The following CUX2 variants were observed in gnomAD, a reference collection of about 807,000 sequenced individuals.
CUX2 encodes the protein homeobox protein cut-like 2.
A neutral mutation model predicts 144.8 loss-of-function variants in CUX2; 40 were observed. The ratio of observed to expected loss-of-function variants is 0.28; its 90% CI spans 0.21 to 0.36. CUX2 has a LOEUF of 0.36. Ranked by LOEUF, CUX2 falls within the 10% of genes least tolerant of loss-of-function variation. The pLI is 1.00. For missense variants in CUX2, 1,615 were observed against 1,994.0 expected, an observed-to-expected ratio of 0.81 and a Z score of 3.62; for synonymous variants, 827 against 875.6, an observed-to-expected ratio of 0.94 and a Z score of 0.98.
At chr12:111,231,514 C>T (rs746658540) in intron 3 of CUX2, among the ~76,000 whole-genome samples, 4 of 152,212 alleles carry the variant, frequency 2.6e-5, no homozygotes, top group Non-Finnish European at 5.9e-5. Context: ...CTACCACAGA[C>T]AATCCTTGTA....
chr12:111,076,962 C>G (rs1871568284), intron 1 of CUX2, among the ~76,000 whole-genome samples: 1 of 152,174 alleles, frequency 6.6e-6, no homozygotes, highest in African/African-American at 2.4e-5. Context: ...ACCCGTCGCC[C>G]CTCGGGGCCC....
At chr12:111,043,053 T>C (rs1869824826) in intron 1 of CUX2, among the ~76,000 whole-genome samples, 1 of 152,196 alleles carries the variant, frequency 6.6e-6, no homozygotes, top group Non-Finnish European at 1.5e-5. Context: ...ACTCCAGAAC[T>C]GTACATTCAC....
intron 1 of CUX2, among the ~76,000 whole-genome samples, chr12:111,134,095 G>A (rs532613815): frequency 1.3e-5 from 2 of 152,312 alleles, no homozygotes; most frequent in Admixed American, 6.5e-5. Context: ...GGAGATTAGA[G>A]TCTCCCTCAG....
chr12:111,047,153 G>T (rs778286504), intron 1 of CUX2, among the ~76,000 whole-genome samples: 1 of 152,208 alleles, frequency 6.6e-6, no homozygotes, highest in Non-Finnish European at 1.5e-5. Context: ...TCCCGGAGCC[G>T]CGTGGCGCGC....
chr12:111,308,450 A>G lies in CUX2; in HGVS notation c.1182A>G (p.Ser394=). The G allele has an allele frequency of 7.4e-6, 12 of 1,614,096 alleles. No homozygotes were observed. The highest frequency in any genetic ancestry group is 1.0e-5 in the Non-Finnish European group (12 of 1,180,012). The change falls in exon 14 of 22, where the codon TCA becomes TCG. Residue 394 remains serine, a synonymous_variant. Transcript: ENST00000261726. ...LPQGMAKPED[S]LLIAKEAFFP... ...AGGGCATGGCCAAGCCTGAAGACTC[A>G]CTGCTTATTGCAAAGGAGGCCTTCT... is the stretch of plus-strand genomic sequence containing the variant.
chr12:111,247,695 G>A (rs1883343931), intron 3 of CUX2, among the ~76,000 whole-genome samples: 1 of 152,130 alleles, frequency 6.6e-6, no homozygotes. Context: ...ATGGGGAGAG[G>A]GGTTCTTGGC....
rs1871101378 is a variant in CUX2 at position 111,068,235 on chromosome 12, A to G, written c.63+33995A>G. On this transcript the variant is annotated intron_variant, in intron 1 of 21. Transcript: ENST00000261726. This position sits in a 1 kb window ranked among gnomAD's most constrained non-coding sequence, Gnocchi z 4.9. Reference sequence around the variant, plus strand: ...AGTTTACCCAAATGCCACTTTTTCTAATTTTGCCGGAGTTGCCCTCCCCAC... The same window carrying G: ...AGTTTACCCAAATGCCACTTTTTCTGATTTTGCCGGAGTTGCCCTCCCCAC... Among the ~76,000 whole-genome samples, 1 of 151,724 alleles carries G rather than the reference A, an allele frequency of 6.6e-6. No individual in the cohort carries two copies. The highest frequency in any genetic ancestry group is 1.5e-5 in the Non-Finnish European group (1 of 67,918).
intron 13 of CUX2, 34 bp from the exon 14 acceptor site, chr12:111,308,393 C>G (rs1325655652): frequency 1.2e-6 from 2 of 1,613,888 alleles, no homozygotes; most frequent in Admixed American, 3.3e-5. Context: ...TTCCGCCCAC[C>G]AGGTGCCCTC....
intron 3 of CUX2, among the ~76,000 whole-genome samples, chr12:111,239,856 G>A (rs764501787): frequency 1.8e-4 from 27 of 152,116 alleles, no homozygotes; most frequent in Non-Finnish European, 2.8e-4. Flanking sequence ...GGTGTTGGTC[G>A]GGGAGGGAAG....
At chr12:111,265,667 C>A (rs1169901135) in intron 4 of CUX2, among the ~76,000 whole-genome samples, 1 of 152,006 alleles carries the variant, frequency 6.6e-6, no homozygotes, top group Non-Finnish European at 1.5e-5. Context: ...TTTTAAATGG[C>A]CCATCCCCTG....
intron 3 of CUX2, among the ~76,000 whole-genome samples, chr12:111,222,761 T>C (rs1268340047): frequency 1.3e-5 from 2 of 152,150 alleles, no homozygotes; most frequent in Non-Finnish European, 2.9e-5. Flanking sequence ...GTTGTCACCA[T>C]GGTGGGCGTG....
rs965513293 is a variant in CUX2, at chr12:111,059,886, C to T, written c.63+25646C>T. Among the ~76,000 whole-genome samples the T allele has an allele frequency of 6.6e-6, 1 of 152,268 alleles. No individual in the cohort carries two copies. Among genetic ancestry groups the T allele is most frequent in the East Asian group, 1.9e-4 (1 of 5,176 alleles). ...TAAGCCTGACTTCTGGGGAAGCCCC[C>T]TTCCCTGCCCCCGACCTTGGGATCC... is the stretch of plus-strand genomic sequence containing the variant. On this transcript the variant is annotated intron_variant, in intron 1 of 21. Coordinates refer to ENST00000261726, the MANE Select transcript of CUX2 (RefSeq NM_015267.4). This position sits in a 1 kb window ranked among gnomAD's most constrained non-coding sequence, Gnocchi z 5.3.
chr12:111,257,530 C>T (rs1203603135), intron 3 of CUX2, among the ~76,000 whole-genome samples: 2 of 98,838 alleles, frequency 2.0e-5, no homozygotes, highest in Non-Finnish European at 4.2e-5. Context: ...CCTCCTTCTC[C>T]TCCTCTTTCC....
At chr12:111,081,253 G>A (rs961874163) in intron 1 of CUX2, among the ~76,000 whole-genome samples, 17 of 152,214 alleles carry the variant, frequency 1.1e-4, no homozygotes, top group Admixed American at 4.6e-4. Flanking sequence ...TTTCTCGAGC[G>A]GTGTCTCAAA....
intron 3 of CUX2, among the ~76,000 whole-genome samples, chr12:111,227,048 G>A (rs746372958): frequency 6.6e-6 from 1 of 152,128 alleles, no homozygotes; most frequent in African/African-American, 2.4e-5. Flanking sequence ...GGAAGCTACC[G>A]CAACAGCCCC....
chr12:111,282,274 A>G (rs1189541038), intron 4 of CUX2, among the ~76,000 whole-genome samples: 2 of 149,774 alleles, frequency 1.3e-5, no homozygotes, highest in Non-Finnish European at 3.0e-5. Context: ...GTGAGCCAAG[A>G]TCGTGCCACT....
intron 3 of CUX2, among the ~76,000 whole-genome samples, chr12:111,257,487 A>T (rs899626371): frequency 1.2e-3 from 34 of 28,072 alleles, no homozygotes; most frequent in Middle Eastern, 0.045. Flanking sequence ...TCCCCCTCCC[A>T]CTTCTTCCTC....
chr12:111,147,698 C>T (rs1434982192), intron 1 of CUX2, among the ~76,000 whole-genome samples: 1 of 152,180 alleles, frequency 6.6e-6, no homozygotes, highest in Non-Finnish European at 1.5e-5. Flanking sequence ...TGGGCACCTG[C>T]AAGGCTGTCA....
chr12:111,344,567 A>G (rs1171240409), intron 21 of CUX2, among the ~76,000 whole-genome samples: 1 of 152,224 alleles, frequency 6.6e-6, no homozygotes, highest in Non-Finnish European at 1.5e-5. Context: ...GACGCCACAG[A>G]AAACAAGACA....
Sources: gnomAD v4.1 joint callset for allele counts (sites outside exome capture counted in the v4.1 genomes callset) on GRCh38, gnomAD v4.1.1 for gene constraint, Gnocchi (gnomAD v3.1) non-coding constraint, MANE v1.5 for transcripts, NCBI Gene and HGNC (gene_info 2026-07-23, HGNC 2026-07-21) for gene names.